The following ZFYVE9 variants were observed in gnomAD, a reference collection of about 807,000 sequenced individuals.
ZFYVE9 encodes zinc finger FYVE-type containing 9.
A neutral mutation model predicts 126.7 loss-of-function variants in ZFYVE9; 43 were observed. That is an observed-to-expected ratio of 0.34 (90% CI 0.27 to 0.44). ZFYVE9 has a LOEUF of 0.44. Among genes scored for constraint, ZFYVE9 ranks in the 20% least tolerant of loss-of-function variants. ZFYVE9 has a pLI of 1.00. For synonymous variants in ZFYVE9, 521 were observed against 597.4 expected, an observed-to-expected ratio of 0.87 and a Z score of 1.87; for missense variants, 1,476 against 1,697.0, an observed-to-expected ratio of 0.87 and a Z score of 2.29.
chr1:52,341,756 C>A (rs1646439369), intron 17 of ZFYVE9, among the ~76,000 whole-genome samples: 1 of 152,144 alleles, frequency 6.6e-6, no homozygotes, highest in Admixed American at 6.6e-5. Flanking sequence ...AGAGATGAGA[C>A]CTGGTTCTCC....
chr1:52,319,028 C>G (rs1474960740), intron 13 of ZFYVE9, among the ~76,000 whole-genome samples: 3 of 152,160 alleles, frequency 2.0e-5, no homozygotes, highest in Non-Finnish European at 2.9e-5. Context: ...GCCTAGGAGG[C>G]AGAGGTTGCA....
At chr1:52,331,964 TA>T (rs1390914463) in intron 13 of ZFYVE9, among the ~76,000 whole-genome samples, 2 of 151,552 alleles carry the variant, frequency 1.3e-5, no homozygotes, top group Admixed American at 6.6e-5. Flanking sequence ...TTATTTTTAG[TA>T]GAGACGGGGT....
At chr1:52,212,523 T>G (rs1172458421) in intron 1 of ZFYVE9, among the ~76,000 whole-genome samples, 1 of 152,228 alleles carries the variant, frequency 6.6e-6, no homozygotes, top group Non-Finnish European at 1.5e-5. Flanking sequence ...GCAATAACAC[T>G]AGTTTGGTAA....
At chr1:52,180,100 AT>A in intron 1 of ZFYVE9, 1 of 928,760 alleles carries the variant, frequency 1.1e-6, no homozygotes. Context: ...AAATTGAAGA[AT>A]AAATTTGAAG....
chr1:52,285,677 A>G (rs1474240476), intron 10 of ZFYVE9, among the ~76,000 whole-genome samples: 1 of 152,166 alleles, frequency 6.6e-6, no homozygotes, highest in Non-Finnish European at 1.5e-5. Context: ...CACTGATTCT[A>G]CATTATGGTG....
chr1:52,222,913 A>T (rs146268697), intron 2 of ZFYVE9, among the ~76,000 whole-genome samples: 1 of 152,350 alleles, frequency 6.6e-6, no homozygotes, highest in East Asian at 1.9e-4. Context: ...AGAACTTAGT[A>T]GTGGCCGACT....
At chr1:52,179,787 TA>T (rs1644680181) in intron 1 of ZFYVE9, 2 of 499,928 alleles carry the variant, frequency 4.0e-6, no homozygotes, top group Non-Finnish European at 3.7e-6. Flanking sequence ...ATAGGCTAAA[TA>T]AAAAGGATTT....
Position 52,293,443 on chromosome 1 carries a change from T to G in ZFYVE9, c.3026-10T>G. ...GATACAAAGTAGCTAATAAACTTTT[T>G]TGTTTTTAGGGAATGTGGTGAGCAA... On this transcript the variant is annotated splice_polypyrimidine_tract_variant and intron_variant, in intron 10 of 18. Transcript: ENST00000287727. 6.3e-7 allele frequency: 1 copy of G among 1,593,360 alleles called. No homozygotes were observed. The highest frequency in any genetic ancestry group is 8.5e-7 in the Non-Finnish European group (1 of 1,173,406).
intron 9 of ZFYVE9, among the ~76,000 whole-genome samples, chr1:52,278,969 G>A (rs1297185851): frequency 6.6e-6 from 1 of 151,820 alleles, no homozygotes; most frequent in Non-Finnish European, 1.5e-5. Context: ...TTGATCTCCT[G>A]ACCTGGTGAT....
intron 8 of ZFYVE9, among the ~76,000 whole-genome samples, chr1:52,276,732 T>C (rs1025964728): frequency 1.6e-4 from 25 of 152,248 alleles, no homozygotes; most frequent in African/African-American, 5.8e-4. Context: ...AATCCTTACC[T>C]GGGCTGCTTA....
intron 2 of ZFYVE9, among the ~76,000 whole-genome samples, chr1:52,218,496 A>G (rs1321242250): frequency 6.6e-6 from 1 of 152,198 alleles, no homozygotes; most frequent in Admixed American, 6.5e-5. Context: ...TGAGTGGCAC[A>G]TGACATGTTT....
At position 52,295,877 on chromosome 1, in the gene ZFYVE9, C is replaced by T; in HGVS notation, c.3251-18C>T. ...TTATGTTGCCAAATTTAAGTTTGAT[C>T]ATTTCTCATTTCCATAGTTTATCCA... On this transcript the variant is annotated intron_variant, in intron 11 of 18. Transcript: ENST00000287727. The T allele has an allele frequency of 6.3e-7, 1 of 1,599,204 alleles. No individual in the cohort carries two copies. The highest frequency in any genetic ancestry group is 8.5e-7 in the Non-Finnish European group (1 of 1,174,002).
chr1:52,215,276 A>T (rs372172486), intron 1 of ZFYVE9, among the ~76,000 whole-genome samples: 1 of 152,256 alleles, frequency 6.6e-6, no homozygotes, highest in East Asian at 1.9e-4. Context: ...ATAGATATAA[A>T]TCTGTTTCTT....
At chr1:52,198,325 T>C (rs1644884380) in intron 1 of ZFYVE9, among the ~76,000 whole-genome samples, 1 of 151,822 alleles carries the variant, frequency 6.6e-6, no homozygotes, top group Non-Finnish European at 1.5e-5. Flanking sequence ...GTTTCGCTGG[T>C]CTCGAACTCC....
intron 4 of ZFYVE9, among the ~76,000 whole-genome samples, chr1:52,244,171 A>C (rs1183342051): frequency 1.3e-5 from 2 of 152,138 alleles, no homozygotes; most frequent in East Asian, 3.9e-4. Context: ...ATATGAAGGG[A>C]GGAAGTGGTG....
At chr1:52,245,213 A>G (rs1027300720) in intron 4 of ZFYVE9, among the ~76,000 whole-genome samples, 4 of 151,922 alleles carry the variant, frequency 2.6e-5, no homozygotes, top group Non-Finnish European at 1.5e-5. Context: ...TTCAGTGAGC[A>G]TTTACTTATT....
At position 52,274,381 on chromosome 1, in the gene ZFYVE9, A is replaced by G. The variant is rs1313073321; in HGVS notation, c.2626-83A>G. ...AGTATGAATTTCAGATTTTCACTTA[A>G]GTTCCCATTTGTATTTTTAATTATG... is the stretch of plus-strand genomic sequence containing the variant. On this transcript the variant is annotated intron_variant, in intron 7 of 18. Coordinates refer to ENST00000287727, the MANE Select transcript of ZFYVE9 (RefSeq NM_004799.4). 3.5e-6 allele frequency: 5 copies of G among 1,435,528 alleles called. No homozygotes were observed. The African/African-American group carries it at 5.7e-5, about 16-fold the overall frequency. 88.9% of individuals were successfully genotyped at this position (1,435,528 alleles called of 1,614,324 possible).
At chr1:52,288,925 C>CAAAAAAAAAAAA (rs775138803) in intron 10 of ZFYVE9, among the ~76,000 whole-genome samples, 1 of 62,052 alleles carries the variant, frequency 1.6e-5, no homozygotes, top group Non-Finnish European at 3.5e-5. Flanking sequence ...GACTCTGTCT[C>CAAAAAAAAAAAA]AAAAAAAAAA....
rs760631378 is a variant in ZFYVE9, at chr1:52,340,130, G to A, written c.3838G>A (p.Val1280Ile). ...TTTCCTTTGCCTCTATTTTAGTGTC[G>A]TAAGTCCTATAGATGGGAAGTCCAT... Reference protein sequence around the residue: ...DDDKNVSKGVVSPIDGKSMET... With the variant: ...DDDKNVSKGVISPIDGKSMET... The change falls in exon 17 of 19, where the codon GTA becomes ATA. Residue 1280 changes from valine (V) to isoleucine (I), a missense_variant. This residue lies in a region of ZFYVE9 where 669 missense variants were observed against 902.4 expected (regional missense o/e 0.74). Transcript: ENST00000287727. 8.1e-6 allele frequency: 13 copies of A among 1,611,926 alleles called. No individual in the cohort carries two copies. The highest frequency in any genetic ancestry group is 4.5e-5 in the East Asian group (2 of 44,876).
Sources: allele counts gnomAD v4.1 joint callset (sites outside exome capture counted in the v4.1 genomes callset), GRCh38; gene constraint gnomAD v4.1.1; regional missense constraint gnomAD v4.1.1; transcripts MANE v1.5; gene names NCBI Gene and HGNC (gene_info 2026-07-23, HGNC 2026-07-21).